The following TRPM3 variants were observed in gnomAD, a reference collection of about 807,000 sequenced individuals.
The protein encoded by TRPM3 is long transient receptor potential channel 3.
Under a neutral mutation model 181.2 loss-of-function variants are expected in TRPM3, and 77 were observed. The observed-to-expected ratio is 0.42, with a 90% confidence interval of 0.35 to 0.51. The LOEUF is 0.51. Among genes scored for constraint, TRPM3 ranks in the 20% least tolerant of loss-of-function variants. The pLI, the probability that TRPM3 is intolerant of heterozygous loss-of-function variation, is 0.01. For synonymous variants in TRPM3, 745 were observed against 796.4 expected (o/e 0.94, Z 1.09); for missense variants, 1,759 against 2,196.7 (o/e 0.80, Z 3.98).
intron 1 of TRPM3, among the ~76,000 whole-genome samples, chr9:70,975,448 T>A (rs534139312): frequency 2.0e-5 from 3 of 152,294 alleles, no homozygotes; most frequent in African/African-American, 7.2e-5. Flanking sequence ...TAGGGCTGGC[T>A]TCAAGTCACA....
chr9:71,390,770 T>C (rs913400047), intron 1 of TRPM3, among the ~76,000 whole-genome samples: 1 of 152,048 alleles, frequency 6.6e-6, no homozygotes, highest in African/African-American at 2.4e-5. Flanking sequence ...ATGGTCACTG[T>C]ACTAGTAAAG....
At chr9:70,612,521 T>C (rs538988137) in intron 18 of TRPM3, among the ~76,000 whole-genome samples, 1 of 152,348 alleles carries the variant, frequency 6.6e-6, no homozygotes, top group Admixed American at 6.5e-5. Flanking sequence ...ACCTCAAATA[T>C]CCACTTTACT....
chr9:70,755,619 G>C (rs1298216143), intron 8 of TRPM3, among the ~76,000 whole-genome samples: 1 of 151,908 alleles, frequency 6.6e-6, no homozygotes, highest in Admixed American at 6.6e-5. Flanking sequence ...CGCCTGCCTC[G>C]GCCTCCCAAA....
rs531560098 is a variant in TRPM3 at position 71,333,790 on chromosome 9, G to C, written c.183+112863C>G. 9.2e-5 allele frequency among the ~76,000 whole-genome samples: 14 copies of C among 152,034 alleles called. 1 individual carries two copies. Among genetic ancestry groups the C allele is most frequent in the Non-Finnish European group, 1.3e-4 (9 of 67,962 alleles). Reference sequence around the variant, plus strand: ...ATAATAAATACTGTTGTTTGAAACAGTAGATACCTAATACAGAATGTGAAC... The same window carrying C: ...ATAATAAATACTGTTGTTTGAAACACTAGATACCTAATACAGAATGTGAAC... On this transcript the variant is annotated intron_variant, in intron 1 of 24. Transcript: ENST00000357533.
intron 1 of TRPM3, among the ~76,000 whole-genome samples, chr9:70,980,920 A>T (rs4310272): frequency 0.85 from 128,919 of 152,166 alleles, 54,761 homozygotes; most frequent in East Asian, 1. Flanking sequence ...TAGGACCTGA[A>T]AAGTGTATTA....
At chr9:70,657,313 C>A (rs372095434) in intron 9 of TRPM3, among the ~76,000 whole-genome samples, 9 of 140,270 alleles carry the variant, frequency 6.4e-5, no homozygotes, top group East Asian at 4.3e-4. Flanking sequence ...AACCAAAGTT[C>A]AACTTTTATT....
intron 1 of TRPM3, among the ~76,000 whole-genome samples, chr9:70,927,546 A>T (rs974451006): frequency 6.6e-6 from 1 of 152,216 alleles, no homozygotes; most frequent in African/African-American, 2.4e-5. Flanking sequence ...AAGAGAGAAA[A>T]AAATGTTCTA....
chr9:70,544,494 G>T (rs932944089), intron 25 of TRPM3, among the ~76,000 whole-genome samples: 3 of 152,054 alleles, frequency 2.0e-5, no homozygotes, highest in Non-Finnish European at 4.4e-5. Flanking sequence ...TACTTAGCTG[G>T]CTAATTAACC....
chr9:71,142,585 A>G (rs2075172666), intron 1 of TRPM3, among the ~76,000 whole-genome samples: 1 of 152,142 alleles, frequency 6.6e-6, no homozygotes, highest in Non-Finnish European at 1.5e-5. Flanking sequence ...GATCAAATCT[A>G]ATGTTTAAAT....
At chr9:71,140,325 A>C (rs2075021548) in intron 1 of TRPM3, among the ~76,000 whole-genome samples, 2 of 152,194 alleles carry the variant, frequency 1.3e-5, no homozygotes, top group South Asian at 4.1e-4. Context: ...AGGAAGTGGC[A>C]GAGATGTGAT....
At position 71,000,736 on chromosome 9, in the gene TRPM3, A is replaced by G. The variant is rs138455065; in HGVS notation, c.177+120442T>C. Among the ~76,000 whole-genome samples the G allele has an allele frequency of 1.6e-3, 242 of 152,316 alleles. 9 individuals carry two copies. In the East Asian group the frequency reaches 0.045, roughly 28 times the overall value. ...TAGTTAACAAGAAGCTGGCAATACA[A>G]TGTACATATGCTACTTAGTCTATAG... On this transcript the variant is annotated intron_variant, in intron 1 of 25. Coordinates refer to ENST00000677713, the MANE Select transcript of TRPM3 (RefSeq NM_001366145.2).
At chr9:70,673,242 G>C (rs1253888979) in intron 9 of TRPM3, among the ~76,000 whole-genome samples, 3 of 151,458 alleles carry the variant, frequency 2.0e-5, no homozygotes, top group Non-Finnish European at 4.4e-5. Context: ...GAAGACACTG[G>C]CTTTGGGGGT....
chr9:71,209,831 T>C (rs1191917483), intron 1 of TRPM3, among the ~76,000 whole-genome samples: 1 of 152,244 alleles, frequency 6.6e-6, no homozygotes, highest in Non-Finnish European at 1.5e-5. Context: ...AATACAGCCA[T>C]GCTCATTCAT....
intron 1 of TRPM3, among the ~76,000 whole-genome samples, chr9:71,083,044 A>C (rs2064642508): frequency 6.6e-6 from 1 of 152,084 alleles, no homozygotes; most frequent in South Asian, 2.1e-4. Context: ...TCCAGGGAAT[A>C]GCCTTCATTT....
In TRPM3 at chr9:70,625,665, T is replaced by A. The variant is rs1041834582; in HGVS notation, c.1633-148A>T. The A allele has an allele frequency of 1.3e-5, 10 of 771,250 alleles. No individual in the cohort carries two copies. The South Asian group carries it at 1.8e-4, about 14-fold the overall frequency. The allele number at this position is 771,250 out of a possible 1,614,324, so 47.8% of individuals were successfully genotyped here. Reference sequence around the variant, plus strand: ...ACAAGGCTAGACAGGGCAAATGCTATCACTCCCAGGCACTAGGAACTAGGT... The same window carrying A: ...ACAAGGCTAGACAGGGCAAATGCTAACACTCCCAGGCACTAGGAACTAGGT... On this transcript the variant is annotated intron_variant, in intron 12 of 25. Coordinates refer to ENST00000677713, the MANE Select transcript of TRPM3 (RefSeq NM_001366145.2). This position sits in a 1 kb window ranked among gnomAD's most constrained non-coding sequence, Gnocchi z 4.8.
intron 1 of TRPM3, among the ~76,000 whole-genome samples, chr9:71,099,496 C>T (rs192221257): frequency 1.3e-5 from 2 of 152,138 alleles, no homozygotes; most frequent in African/African-American, 4.8e-5. Flanking sequence ...ATCCTCGCCT[C>T]CTTTAAGTGT....
chr9:71,189,703 A>G (rs146558478), intron 1 of TRPM3, among the ~76,000 whole-genome samples: 1 of 151,690 alleles, frequency 6.6e-6, no homozygotes, highest in Non-Finnish European at 1.5e-5. Flanking sequence ...TCAAGGCCCA[A>G]CTGAAACATC....
At chr9:71,423,450 C>A (rs902364029) in intron 1 of TRPM3, among the ~76,000 whole-genome samples, 7 of 152,032 alleles carry the variant, frequency 4.6e-5, no homozygotes, top group African/African-American at 1.7e-4. Context: ...TTCTGAGTAA[C>A]CATTCCTTTG....
At chr9:71,158,652 T>C (rs1269270650) in intron 1 of TRPM3, among the ~76,000 whole-genome samples, 2 of 152,130 alleles carry the variant, frequency 1.3e-5, no homozygotes, top group Non-Finnish European at 2.9e-5. Flanking sequence ...GTCTCTCTTA[T>C]AGAGCCTGTG....
Sources: gnomAD v4.1 joint callset for allele counts (sites outside exome capture counted in the v4.1 genomes callset) on GRCh38, gnomAD v4.1.1 for gene constraint, Gnocchi (gnomAD v3.1) non-coding constraint, MANE v1.5 for transcripts, NCBI Gene and HGNC (gene_info 2026-07-23, HGNC 2026-07-21) for gene names.